Variants in MYH14 observed in about 807,000 individuals in gnomAD.
MYH14 encodes the protein myosin-14.
MYH14 carries 123 observed loss-of-function variants against 255.5 expected under a neutral mutation model. The ratio of observed to expected loss-of-function variants is 0.48; its 90% CI spans 0.42 to 0.56. The LOEUF (loss-of-function observed/expected upper bound fraction) is 0.56, where lower values mean the gene tolerates loss of function less well. MYH14 is among the 20% of genes least tolerant of loss of function. The probability of loss-of-function intolerance (pLI) is 0.00; values close to 1 mark genes in which losing one functional copy is unlikely to be tolerated. For missense variants in MYH14, 2,423 were observed against 2,802.3 expected (o/e 0.86, Z 3.06); for synonymous variants, 1,095 against 1,161.2 (o/e 0.94, Z 1.16).
intron 20 of MYH14, among the ~76,000 whole-genome samples, chr19:50,260,943 T>C (rs903983106): frequency 1.1e-4 from 16 of 150,948 alleles, no homozygotes; most frequent in African/African-American, 3.9e-4. Context: ...GGAGTGGGGC[T>C]GGGATCTCCC....
intron 34 of MYH14, among the ~76,000 whole-genome samples, chr19:50,287,140 G>C (rs545715212): frequency 6.6e-6 from 1 of 152,218 alleles, no homozygotes; most frequent in East Asian, 1.9e-4. Context: ...ACAAGAGGGG[G>C]ACTGTTCAGC....
chr19:50,207,395 G>T (rs1370421833), intron 1 of MYH14, among the ~76,000 whole-genome samples: 1 of 151,826 alleles, frequency 6.6e-6, no homozygotes, highest in Admixed American at 6.6e-5. Context: ...CTTGGACCGC[G>T]TTGGAATTGC....
At chr19:50,288,326 C>T (rs922877027) in intron 34 of MYH14, among the ~76,000 whole-genome samples, 6 of 152,162 alleles carry the variant, frequency 3.9e-5, no homozygotes, top group South Asian at 2.1e-4. Context: ...GACGTTGATC[C>T]GATTTTGCTT....
At position 50,250,457 on chromosome 19, in the gene MYH14, A is replaced by C. The variant is rs1600940493; in HGVS notation, c.1657-58A>C. The C allele has an allele frequency of 1.9e-6, 3 of 1,545,248 alleles. No homozygotes were observed. The highest frequency in any genetic ancestry group is 4.7e-5 in the East Asian group (2 of 42,568). ...TTATAAGAGCTAAAAATCAGCAGCC[A>C]CCTGAGTGTCCAATATGTGGGGATC... is the stretch of plus-strand genomic sequence containing the variant. On this transcript the variant is annotated intron_variant, in intron 14 of 42. Transcript: ENST00000642316. This position sits in a 1 kb window ranked among gnomAD's most constrained non-coding sequence, Gnocchi z 5.4.
chr19:50,310,170 C>CG lies in MYH14; in HGVS notation c.*380_*381insG. ...CAGCCAGTGCAACCCATTCCCTCTG[C>CG]TTCTCTCTCTCTCTCTCTCTCTCCC... is the stretch of plus-strand genomic sequence containing the variant. On this transcript the variant is annotated 3_prime_UTR_variant, in exon 43 of 43. Transcript: ENST00000642316. The CG allele has an allele frequency of 3.7e-6, 1 of 271,926 alleles. No individual in the cohort carries two copies. The highest frequency in any genetic ancestry group is 1.1e-4 in the East Asian group (1 of 9,064). 16.8% of individuals were successfully genotyped at this position (271,926 alleles called of 1,614,324 possible).
intron 22 of MYH14, among the ~76,000 whole-genome samples, chr19:50,265,227 AG>A (rs748340365): frequency 2.6e-5 from 4 of 152,148 alleles, no homozygotes; most frequent in Non-Finnish European, 4.4e-5. Flanking sequence ...GTAAACAGCC[AG>A]AAGCTGAGGT....
Position 50,230,830 on chromosome 19 carries a change from T to C in MYH14, c.973+207T>C, listed in dbSNP as rs1457816508. ...CTGCTGCGCTCTGGTTCCAGCTCTG[T>C]CCCGGGTCTGGCTCGCGCCCGCTGT... On this transcript the variant is annotated intron_variant, in intron 9 of 42. Transcript: ENST00000642316. This position sits in a 1 kb window ranked among gnomAD's most constrained non-coding sequence, Gnocchi z 4.7. 3.6e-6 allele frequency: 2 copies of C among 561,900 alleles called. No homozygotes were observed. The highest frequency in any genetic ancestry group is 3.8e-5 in the African/African-American group (2 of 53,114). The allele number at this position is 561,900 out of a possible 1,614,324, so 34.8% of individuals were successfully genotyped here.
chr19:50,275,718 C>T (rs1410246294), intron 27 of MYH14, among the ~76,000 whole-genome samples: 1 of 152,118 alleles, frequency 6.6e-6, no homozygotes, highest in African/African-American at 2.4e-5. Context: ...CTCAGCTACA[C>T]GGGATGCTGT....
intron 34 of MYH14, among the ~76,000 whole-genome samples, chr19:50,288,080 G>A (rs909308300): frequency 3.2e-4 from 48 of 152,004 alleles, no homozygotes; most frequent in African/African-American, 1.1e-3. Context: ...CCAGCCTTCC[G>A]AATGGTCAAA....
chr19:50,239,079 G>A lies in MYH14; in HGVS notation c.1115-5163G>A, dbSNP rs549564777. 4.9e-4 allele frequency among the ~76,000 whole-genome samples: 75 copies of A among 152,312 alleles called. 1 individual carries two copies. The South Asian group carries it at 0.014, about 29-fold the overall frequency. On this transcript the variant is annotated intron_variant, in intron 10 of 42. Coordinates refer to ENST00000642316, the MANE Select transcript of MYH14 (RefSeq NM_001145809.2). ...CTGTCCCCCAGGCTGGAGTACAGTG[G>A]CGCGATCTCAGCTCACTGCAACCTC...
At chr19:50,258,738 A>C (rs1030565233) in intron 18 of MYH14, 12 of 154,186 alleles carry the variant, frequency 7.8e-5, no homozygotes, top group Admixed American at 7.1e-4. Flanking sequence ...AAAAAAAAAA[A>C]AAAAAACGAA....
At chr19:50,263,242 C>A in intron 21 of MYH14, 70 bp from the exon 22 acceptor site, 1 of 944,506 alleles carries the variant, frequency 1.1e-6, no homozygotes, top group Non-Finnish European at 1.5e-6. Context: ...AAGAAAGGAG[C>A]TTGGCTCTCT....
intron 6 of MYH14, 116 bp downstream of exon 6, chr19:50,224,293 A>G: frequency 7.2e-7 from 1 of 1,385,858 alleles, no homozygotes; most frequent in South Asian, 1.2e-5. Context: ...CCTGCCAGGG[A>G]CCCCTCTGCC....
At chr19:50,241,464 G>A (rs940183950) in intron 10 of MYH14, among the ~76,000 whole-genome samples, 2 of 151,960 alleles carry the variant, frequency 1.3e-5, no homozygotes, top group Middle Eastern at 3.2e-3. Context: ...AGCATCAGAT[G>A]CAAACACAAA....
chr19:50,255,215 C>T lies in MYH14; in HGVS notation c.1946-5C>T. 6.5e-7 allele frequency: 1 copy of T among 1,549,120 alleles called. No individual in the cohort carries two copies. Among genetic ancestry groups the T allele is most frequent in the Non-Finnish European group, 8.7e-7 (1 of 1,144,920 alleles). On this transcript the variant is annotated splice_region_variant and splice_polypyrimidine_tract_variant and intron_variant, in intron 16 of 42. Transcript: ENST00000642316. ...CCCACCCACACATCTGTCCTCACTC[C>T]CCAGAACATGGGGGCTTCCAGCAGT... is the stretch of plus-strand genomic sequence containing the variant.
At chr19:50,306,948 A>G in intron 40 of MYH14, 101 bp from the exon 41 acceptor site, 1 of 854,756 alleles carries the variant, frequency 1.2e-6, no homozygotes, top group Non-Finnish European at 1.9e-6. Flanking sequence ...AGAGGGAAGA[A>G]GCCAATCCAA....
At chr19:50,278,918 G>A (rs1426789559) in intron 30 of MYH14, among the ~76,000 whole-genome samples, 3 of 152,078 alleles carry the variant, frequency 2.0e-5, no homozygotes, top group African/African-American at 7.2e-5. Context: ...AACCCGGGAG[G>A]CAGAGGTTGT....
chr19:50,231,876 G>T, intron 9 of MYH14, 54 bp from the exon 10 acceptor site: 1 of 1,606,810 alleles, frequency 6.2e-7, no homozygotes. Context: ...AATCCAGGAT[G>T]AGTCTGACTG....
chr19:50,295,026 TA>T (rs373838791), intron 39 of MYH14, among the ~76,000 whole-genome samples: 13 of 141,872 alleles, frequency 9.2e-5, no homozygotes, highest in African/African-American at 1.6e-4. Flanking sequence ...TTTTTTTTTT[TA>T]AAAACAGGCC....
Sources: allele counts gnomAD v4.1 joint callset (sites outside exome capture counted in the v4.1 genomes callset), GRCh38; gene constraint gnomAD v4.1.1; non-coding constraint Gnocchi (gnomAD v3.1); transcripts MANE v1.5; gene names NCBI Gene and HGNC (gene_info 2026-07-23, HGNC 2026-07-21).